Variants in NRG1 observed in about 807,000 individuals in gnomAD.
The protein encoded by NRG1 is pro-neuregulin-1, membrane-bound isoform.
Under a neutral mutation model 63.8 loss-of-function variants are expected in NRG1, and 18 were observed. The ratio of observed to expected loss-of-function variants is 0.28; its 90% CI spans 0.19 to 0.42. NRG1 has a LOEUF of 0.42. Among genes scored for constraint, NRG1 ranks in the 10% least tolerant of loss-of-function variants. The pLI is 1.00. For missense variants in NRG1, 762 were observed against 814.7 expected, an observed-to-expected ratio of 0.94 and a Z score of 0.79; for synonymous variants, 302 against 301.3, an observed-to-expected ratio of 1.00 and a Z score of -0.02.
At chr8:32,459,043 A>C (rs190586692) in intron 1 of NRG1, among the ~76,000 whole-genome samples, 1 of 152,262 alleles carries the variant, frequency 6.6e-6, no homozygotes, top group African/African-American at 2.4e-5. Context: ...GATGACACCT[A>C]ACACTCTAGT....
chr8:32,729,615 A>C (rs1189312344), intron 6 of NRG1, among the ~76,000 whole-genome samples: 1 of 152,250 alleles, frequency 6.6e-6, no homozygotes, highest in Non-Finnish European at 1.5e-5. Flanking sequence ...AATTAGCAAA[A>C]TGAAAAAGGC....
chr8:32,723,999 A>C (rs16879875), intron 5 of NRG1, among the ~76,000 whole-genome samples: 7,842 of 152,302 alleles, frequency 0.051, 720 homozygotes, highest in African/African-American at 0.18. Context: ...CTAGAGTAAA[A>C]TACTACAAAA....
chr8:32,641,050 G>A (rs2129545721), intron 5 of NRG1, among the ~76,000 whole-genome samples: 1 of 151,970 alleles, frequency 6.6e-6, no homozygotes, highest in South Asian at 2.1e-4. Flanking sequence ...GGCTAAGGTG[G>A]GAGGATTGCT....
At chr8:32,752,206 T>TG (rs1169150984) in intron 7 of NRG1, among the ~76,000 whole-genome samples, 1 of 152,134 alleles carries the variant, frequency 6.6e-6, no homozygotes, top group Non-Finnish European at 1.5e-5. Context: ...GAAGGACCAG[T>TG]GGGGTGACAG....
chr8:32,354,140 G>A (rs1806023409), intron 1 of NRG1, among the ~76,000 whole-genome samples: 1 of 152,084 alleles, frequency 6.6e-6, no homozygotes, highest in Admixed American at 6.6e-5. Flanking sequence ...AGGCTGAGGT[G>A]GGCAGATCAC....
intron 6 of NRG1, among the ~76,000 whole-genome samples, chr8:32,729,848 G>A (rs1023427404): frequency 6.6e-5 from 10 of 152,130 alleles, no homozygotes; most frequent in East Asian, 3.9e-4. Flanking sequence ...TGTCTGTAGC[G>A]TGCCTGATGG....
chr8:32,044,863 C>T (rs1586700828), intron 1 of NRG1, among the ~76,000 whole-genome samples: 1 of 103,032 alleles, frequency 9.7e-6, no homozygotes, highest in South Asian at 3.6e-4. Context: ...AAAATAAGTT[C>T]TCAAATCAAT....
At chr8:32,338,778 G>T (rs1042325548) in intron 1 of NRG1, among the ~76,000 whole-genome samples, 9 of 152,130 alleles carry the variant, frequency 5.9e-5, no homozygotes, top group Non-Finnish European at 1.0e-4. Flanking sequence ...ATGATACTTT[G>T]GTAAATCCAA....
intron 1 of NRG1, among the ~76,000 whole-genome samples, chr8:31,831,936 G>T (rs1431371676): frequency 6.6e-6 from 1 of 152,092 alleles, no homozygotes; most frequent in Non-Finnish European, 1.5e-5. Context: ...GGATGACAAT[G>T]ACCATATTTT....
At chr8:32,612,627 C>T (rs1437555032) in intron 3 of NRG1, among the ~76,000 whole-genome samples, 1 of 151,952 alleles carries the variant, frequency 6.6e-6, no homozygotes, top group Non-Finnish European at 1.5e-5. Context: ...TTATGGTTAA[C>T]CTTCCCTCTA....
At chr8:32,058,652 A>G (rs1823357443) in intron 1 of NRG1, among the ~76,000 whole-genome samples, 1 of 151,966 alleles carries the variant, frequency 6.6e-6, no homozygotes, top group Admixed American at 6.6e-5. Context: ...GAGTTAGGCA[A>G]TCCACTCTGC....
intron 1 of NRG1, among the ~76,000 whole-genome samples, chr8:32,284,187 T>C (rs1853223325): frequency 6.6e-6 from 1 of 152,096 alleles, no homozygotes; most frequent in South Asian, 2.1e-4. Flanking sequence ...GCAAAGTCAG[T>C]TTAGAGAGAA....
At chr8:32,371,816 G>A (rs895051157) in intron 1 of NRG1, among the ~76,000 whole-genome samples, 1 of 152,038 alleles carries the variant, frequency 6.6e-6, no homozygotes, top group Admixed American at 6.6e-5. Flanking sequence ...TCATTGTGGA[G>A]CTTCCCCAGC....
chr8:32,480,163 G>A (rs1018762688), intron 1 of NRG1, among the ~76,000 whole-genome samples: 3 of 152,130 alleles, frequency 2.0e-5, no homozygotes, highest in African/African-American at 4.8e-5. Context: ...GAGAAGCAGA[G>A]CACGTGGTCC....
At chr8:32,702,189 G>C (rs369298472) in intron 5 of NRG1, among the ~76,000 whole-genome samples, 1 of 152,178 alleles carries the variant, frequency 6.6e-6, no homozygotes, top group Non-Finnish European at 1.5e-5. Context: ...TGTATCCTGA[G>C]TGCTGTCTTT....
At chr8:32,728,543 T>C (rs560785985) in intron 6 of NRG1, 2 of 985,318 alleles carry the variant, frequency 2.0e-6, no homozygotes, top group South Asian at 4.7e-5. Context: ...TACTGACATA[T>C]ATCTATTACA....
chr8:32,577,898 A>G (rs1475467261), intron 1 of NRG1, among the ~76,000 whole-genome samples: 1 of 152,174 alleles, frequency 6.6e-6, no homozygotes, highest in African/African-American at 2.4e-5. Context: ...TTAACATAAA[A>G]GGAAGATGAA....
At chr8:32,498,317 C>T (rs1827458561) in intron 1 of NRG1, among the ~76,000 whole-genome samples, 3 of 152,088 alleles carry the variant, frequency 2.0e-5, no homozygotes. Flanking sequence ...TTAGTTCATT[C>T]TCAAGCTGCT....
chr8:32,293,954 G>A (rs1343598725), intron 1 of NRG1, among the ~76,000 whole-genome samples: 1 of 151,902 alleles, frequency 6.6e-6, no homozygotes, highest in Non-Finnish European at 1.5e-5. Flanking sequence ...CTTACCTCAG[G>A]TTATCAGCCC....
Sources: gnomAD v4.1 joint callset for allele counts (sites outside exome capture counted in the v4.1 genomes callset) on GRCh38, gnomAD v4.1.1 for gene constraint, MANE v1.5 for transcripts, NCBI Gene and HGNC (gene_info 2026-07-23, HGNC 2026-07-21) for gene names.